SCHIP1: variants seen among roughly 807,000 people sequenced by gnomAD.
SCHIP1 encodes schwannomin interacting protein 1, also known as schwannomin-interacting protein 1.
Under a neutral mutation model 29.7 loss-of-function variants are expected in SCHIP1, and 8 were observed. The observed-to-expected ratio is 0.27, with a 90% CI of 0.16 to 0.49. SCHIP1 has a LOEUF of 0.49. Ranked by LOEUF, SCHIP1 falls within the 20% of genes least tolerant of loss-of-function variation. The pLI is 0.99. For synonymous variants in SCHIP1, 76 were observed against 94.9 expected, an observed-to-expected ratio of 0.80 and a Z score of 1.16; for missense variants, 193 against 294.6, an observed-to-expected ratio of 0.66 and a Z score of 2.52.
chr3:159,318,292 C>T, the SCHIP1 span, among the ~76,000 whole-genome samples: 1 of 152,214 alleles, frequency 6.6e-6, no homozygotes, highest in South Asian at 2.1e-4. Flanking sequence ...GGTCCATCCA[C>T]ATACCTCTTC....
At chr3:159,339,289 T>C in the SCHIP1 span, among the ~76,000 whole-genome samples, 7 of 151,548 alleles carry the variant, frequency 4.6e-5, no homozygotes, top group Non-Finnish European at 1.0e-4. Flanking sequence ...TGTTCTTTAC[T>C]CAAATGGCAG....
At chr3:159,628,397 G>T in the SCHIP1 span, among the ~76,000 whole-genome samples, 1 of 152,130 alleles carries the variant, frequency 6.6e-6, no homozygotes, top group Non-Finnish European at 1.5e-5. Flanking sequence ...TTCATCTAAA[G>T]TTACCATGCA....
At chr3:159,301,070 GATAGTAC>G in the SCHIP1 span, among the ~76,000 whole-genome samples, 1 of 152,104 alleles carries the variant, frequency 6.6e-6, no homozygotes, top group African/African-American at 2.4e-5. Flanking sequence ...AGCACATATT[GATAGTAC>G]ATAGTACATA....
At chr3:159,707,234 C>T in the SCHIP1 span, among the ~76,000 whole-genome samples, 4 of 152,022 alleles carry the variant, frequency 2.6e-5, no homozygotes, top group African/African-American at 2.4e-5. Context: ...AAGGGAAGAG[C>T]GGTCAAGATC....
At chr3:159,273,512 C>T in the SCHIP1 span, 1 of 1,140,114 alleles carries the variant, frequency 8.8e-7, no homozygotes, top group Non-Finnish European at 1.1e-6. Context: ...CTCCGAGTAG[C>T]CTTGTCTTCT....
the SCHIP1 span, chr3:159,375,855 G>A: frequency 1.7e-6 from 1 of 580,688 alleles, no homozygotes; most frequent in Non-Finnish European, 2.2e-6. Context: ...TTGGAAGTCA[G>A]GCACTAAGGA....
the SCHIP1 span, among the ~76,000 whole-genome samples, chr3:159,666,999 C>G: frequency 2.6e-5 from 4 of 152,170 alleles, no homozygotes; most frequent in East Asian, 7.7e-4. Context: ...TAAAATGTTA[C>G]CCACCTCATG....
the SCHIP1 span, among the ~76,000 whole-genome samples, chr3:159,388,648 C>G: frequency 6.6e-6 from 1 of 152,146 alleles, no homozygotes; most frequent in East Asian, 1.9e-4. Context: ...GGGACACTTG[C>G]CTTTCCAAAT....
At chr3:159,840,159 G>C (rs1744096383) in exon 1 of SCHIP1, 1 of 1,535,182 alleles carries the variant, frequency 6.5e-7, no homozygotes, top group African/African-American at 1.4e-5. Context: ...TCCTGCGTTG[G>C]GGTCTGCGCC....
At chr3:159,523,388 C>T in the SCHIP1 span, among the ~76,000 whole-genome samples, 1 of 152,168 alleles carries the variant, frequency 6.6e-6, no homozygotes, top group Admixed American at 6.5e-5. Flanking sequence ...GATTCCTCCT[C>T]CATCATCTTT....
At chr3:159,274,094 G>C in the SCHIP1 span, 6 of 984,862 alleles carry the variant, frequency 6.1e-6, no homozygotes, top group African/African-American at 1.0e-4. Flanking sequence ...TGGATATTTG[G>C]TGCTTTGAAT....
the SCHIP1 span, among the ~76,000 whole-genome samples, chr3:159,708,309 A>T: frequency 6.6e-6 from 1 of 152,224 alleles, no homozygotes; most frequent in Non-Finnish European, 1.5e-5. Context: ...GACTTGTTGG[A>T]TCCTTTCCTC....
chr3:159,588,818 G>A, the SCHIP1 span, among the ~76,000 whole-genome samples: 14 of 152,154 alleles, frequency 9.2e-5, no homozygotes, highest in African/African-American at 2.6e-4. Flanking sequence ...TGTTCCATTG[G>A]TCTATATCTG....
the SCHIP1 span, among the ~76,000 whole-genome samples, chr3:159,680,703 T>C: frequency 1.0e-3 from 12 of 12,034 alleles, no homozygotes; most frequent in Non-Finnish European, 1.2e-3. Context: ...ATATAATATA[T>C]ATTATATATA....
At chr3:159,547,086 G>T in the SCHIP1 span, among the ~76,000 whole-genome samples, 1 of 152,114 alleles carries the variant, frequency 6.6e-6, no homozygotes, top group Non-Finnish European at 1.5e-5. Context: ...AGCATCTGTT[G>T]TTTCCTGACT....
At chr3:159,519,422 T>C in the SCHIP1 span, among the ~76,000 whole-genome samples, 1 of 152,162 alleles carries the variant, frequency 6.6e-6, no homozygotes, top group African/African-American at 2.4e-5. Context: ...GACTTCATTA[T>C]TATATACTAG....
At chr3:159,508,402 C>G in the SCHIP1 span, among the ~76,000 whole-genome samples, 1 of 152,034 alleles carries the variant, frequency 6.6e-6, no homozygotes, top group East Asian at 1.9e-4. Context: ...TTTTGTTGAT[C>G]TTTTCAAAAA....
chr3:159,388,436 A>G, the SCHIP1 span, among the ~76,000 whole-genome samples: 1 of 152,138 alleles, frequency 6.6e-6, no homozygotes, highest in African/African-American at 2.4e-5. Flanking sequence ...ACCAAGAATA[A>G]TGAAGTGGTT....
the SCHIP1 span, among the ~76,000 whole-genome samples, chr3:159,307,421 C>G: frequency 6.6e-6 from 1 of 152,132 alleles, no homozygotes; most frequent in Non-Finnish European, 1.5e-5. Flanking sequence ...CAGCATCAGG[C>G]ACACATATCT....
Sources: gnomAD v4.1 joint callset for allele counts (sites outside exome capture counted in the v4.1 genomes callset) on GRCh38, gnomAD v4.1.1 for gene constraint, MANE v1.5 for transcripts, NCBI Gene and HGNC (gene_info 2026-07-23, HGNC 2026-07-21) for gene names.